Variants in CNBD1 observed in about 807,000 individuals in gnomAD.
The protein encoded by CNBD1 is cyclic nucleotide-binding domain-containing protein 1.
In CNBD1, 71 loss-of-function variants were observed where a neutral mutation model predicts 54.4. That is an observed-to-expected ratio of 1.30 (90% confidence interval 1.08 to 1.59). CNBD1 has a LOEUF of 1.59. CNBD1 is among the 40% of genes most tolerant of loss of function. CNBD1 has a pLI of 0.00. For synonymous variants in CNBD1, 182 were observed against 170.7 expected (o/e 1.07, Z -0.51); for missense variants, 659 against 518.0 (o/e 1.27, Z -2.64).
At chr8:87,319,694 AG>A (rs1469104515) in intron 8 of CNBD1, among the ~76,000 whole-genome samples, 1 of 152,062 alleles carries the variant, frequency 6.6e-6, no homozygotes, top group East Asian at 1.9e-4. Flanking sequence ...CCTCAATTTA[AG>A]TTTTTCCTCT....
intron 4 of CNBD1, among the ~76,000 whole-genome samples, chr8:87,131,622 A>T (rs1812119996): frequency 6.6e-6 from 1 of 152,062 alleles, no homozygotes; most frequent in Non-Finnish European, 1.5e-5. Context: ...TTATAATTCA[A>T]TATAAAACAT....
At chr8:87,386,725 G>A (rs891335128), downstream of CNBD1, among the ~76,000 whole-genome samples, 1 of 152,162 alleles carries the variant, frequency 6.6e-6, no homozygotes, top group Non-Finnish European at 1.5e-5. Flanking sequence ...TAGCAAGGCA[G>A]GCCAACATTC....
chr8:87,428,485 C>CTA, intron 2 of CNBD1: 1 of 177,734 alleles, frequency 5.6e-6, no homozygotes, highest in South Asian at 3.3e-5. Flanking sequence ...TTAGCAATTG[C>CTA]TCTTTTTATG....
intron 4 of CNBD1, among the ~76,000 whole-genome samples, chr8:87,202,021 G>T (rs951765944): frequency 6.6e-6 from 1 of 152,096 alleles, no homozygotes; most frequent in Non-Finnish European, 1.5e-5. Context: ...ATACAAAATA[G>T]ACATCATTTT....
chr8:87,109,524 C>G (rs951001769), intron 4 of CNBD1, among the ~76,000 whole-genome samples: 30 of 127,738 alleles, frequency 2.3e-4, no homozygotes, highest in East Asian at 6.2e-4. Context: ...GGGTTTGTTT[C>G]TTTCTTTCTT....
At chr8:87,087,221 C>CT (rs1811111841) in intron 4 of CNBD1, among the ~76,000 whole-genome samples, 2 of 140,346 alleles carry the variant, frequency 1.4e-5, no homozygotes, top group African/African-American at 5.3e-5. Context: ...AGTATCTATT[C>CT]TACACACACA....
In CNBD1 at chr8:86,991,392, G is replaced by GTCTC. The variant is rs57076430; in HGVS notation, c.431+51654_431+51657dup. 5.3e-5 allele frequency among the ~76,000 whole-genome samples: 8 copies of GTCTC among 149,540 alleles called. No individual in the cohort carries two copies. In the East Asian group the frequency reaches 7.8e-4, roughly 15 times the overall value. ...TCTCTCTCTGACACACACTCTCTCT[G>GTCTC]TCTCTCTCTCTCTCTCTCTTTTGTT... On this transcript the variant is annotated intron_variant, in intron 4 of 10. Coordinates refer to ENST00000518476, the MANE Select transcript of CNBD1 (RefSeq NM_173538.3).
chr8:87,364,817 T>G (rs1367192340), intron 10 of CNBD1, among the ~76,000 whole-genome samples: 1 of 152,130 alleles, frequency 6.6e-6, no homozygotes, highest in Non-Finnish European at 1.5e-5. Flanking sequence ...GCAAAGGACA[T>G]GATATCATTC....
intron 4 of CNBD1, among the ~76,000 whole-genome samples, chr8:87,003,442 T>C (rs1468567102): frequency 6.6e-6 from 1 of 152,076 alleles, no homozygotes; most frequent in African/African-American, 2.4e-5. Context: ...CTTGGGTAGG[T>C]CTTAGCAAAA....
At chr8:87,357,437 C>T (rs1003256234) in intron 10 of CNBD1, among the ~76,000 whole-genome samples, 1 of 152,156 alleles carries the variant, frequency 6.6e-6, no homozygotes, top group African/African-American at 2.4e-5. Flanking sequence ...ATCCCTTGCA[C>T]CAGTGTACCC....
At chr8:86,963,285 A>C (rs1807981278) in intron 4 of CNBD1, among the ~76,000 whole-genome samples, 1 of 152,080 alleles carries the variant, frequency 6.6e-6, no homozygotes, top group African/African-American at 2.4e-5. Context: ...CCTAGACCCT[A>C]TCTATGCCAT....
chr8:86,883,444 A>T (rs1808633217), intron 1 of CNBD1, among the ~76,000 whole-genome samples: 1 of 152,208 alleles, frequency 6.6e-6, no homozygotes, highest in South Asian at 2.1e-4. Context: ...ATGAATGCAG[A>T]TAAGATTATG....
At chr8:87,370,017 G>C (rs755017599) in intron 10 of CNBD1, among the ~76,000 whole-genome samples, 9 of 151,936 alleles carry the variant, frequency 5.9e-5, no homozygotes, top group Admixed American at 6.6e-5. Flanking sequence ...TGAGAATGAT[G>C]ATTTCCGATT....
chr8:86,934,359 G>A (rs756834682), intron 3 of CNBD1, among the ~76,000 whole-genome samples: 35 of 151,992 alleles, frequency 2.3e-4, no homozygotes, highest in Non-Finnish European at 4.6e-4. Context: ...TTTGTATATT[G>A]AACTTTTATA....
chr8:86,990,711 T>C (rs377659608), intron 4 of CNBD1, among the ~76,000 whole-genome samples: 54 of 152,334 alleles, frequency 3.5e-4, no homozygotes, highest in African/African-American at 1.3e-3. Context: ...CTGATTGCTT[T>C]TTCTATTTTT....
intron 6 of CNBD1, among the ~76,000 whole-genome samples, chr8:87,259,261 A>G (rs1414785706): frequency 6.6e-6 from 1 of 152,198 alleles, no homozygotes; most frequent in Non-Finnish European, 1.5e-5. Context: ...ACCATGAATT[A>G]TATGAATTAT....
intron 5 of CNBD1, among the ~76,000 whole-genome samples, chr8:87,232,973 T>A (rs1443130674): frequency 1.3e-5 from 2 of 152,192 alleles, no homozygotes; most frequent in Non-Finnish European, 2.9e-5. Flanking sequence ...GTCTTTTTCA[T>A]CTACATGTTT....
intron 2 of CNBD1, among the ~76,000 whole-genome samples, chr8:87,407,594 T>C (rs1338023195): frequency 2.0e-5 from 3 of 152,060 alleles, no homozygotes; most frequent in Non-Finnish European, 4.4e-5. Context: ...GATTGATTTG[T>C]ATGGACTTTC....
chr8:87,207,639 C>T (rs540579953), intron 5 of CNBD1, among the ~76,000 whole-genome samples: 2 of 152,074 alleles, frequency 1.3e-5, no homozygotes, highest in Non-Finnish European at 2.9e-5. Context: ...GTTTTATTCT[C>T]TCACAATGTG....
Sources: allele counts gnomAD v4.1 joint callset (sites outside exome capture counted in the v4.1 genomes callset), GRCh38; gene constraint gnomAD v4.1.1; transcripts MANE v1.5; gene names NCBI Gene and HGNC (gene_info 2026-07-23, HGNC 2026-07-21).